The following SNX25 variants were observed in gnomAD, a reference collection of about 807,000 sequenced individuals.
The protein encoded by SNX25 is sorting nexin-25.
SNX25 carries 62 observed loss-of-function variants against 113.7 expected under a neutral mutation model. That is an observed-to-expected ratio of 0.55 (90% CI 0.44 to 0.67). The LOEUF is 0.67. Ranked by LOEUF, SNX25 falls within the 30% of genes least tolerant of loss-of-function variation. The pLI is 0.00. For synonymous variants in SNX25, 421 were observed against 436.2 expected (o/e 0.97, Z 0.43); for missense variants, 1,014 against 1,161.0 (o/e 0.87, Z 1.84).
intron 1 of SNX25, among the ~76,000 whole-genome samples, chr4:185,224,510 G>GATATATAAATATATATACAT (rs869125493): frequency 3.0e-4 from 34 of 112,150 alleles, no homozygotes; most frequent in South Asian, 2.1e-3. Flanking sequence ...TAAATATATA[G>GATATATAAATATATATACAT]ATATATAAAT....
chr4:185,222,465 C>CGCCCT lies in SNX25; in HGVS notation c.429+12210_429+12211insGCCCT, dbSNP rs1200138632. 1.7e-3 allele frequency among the ~76,000 whole-genome samples: 253 copies of CGCCCT among 150,512 alleles called. 3 individuals are homozygous for CGCCCT. Among genetic ancestry groups the CGCCCT allele is most frequent in the African/African-American group, 4.8e-3 (198 of 40,928 alleles). On this transcript the variant is annotated intron_variant, in intron 1 of 18. Coordinates refer to ENST00000652585, the MANE Select transcript of SNX25 (RefSeq NM_001378034.2). Reference sequence around the variant, plus strand: ...CCCCTCCCTCGCGGTAGGTATTCAGCACCCTATACCCCTCCCTCTCGGTAG... The same window carrying CGCCCT: ...CCCCTCCCTCGCGGTAGGTATTCAGCGCCCTACCCTATACCCCTCCCTCTCGGTAG...
Position 185,299,290 on chromosome 4 carries a change from C to T in SNX25, c.1162+11208C>T, listed in dbSNP as rs530020940. Among the ~76,000 whole-genome samples, 20 of 152,210 alleles carry T rather than the reference C, an allele frequency of 1.3e-4. 1 individual carries two copies. Among genetic ancestry groups the T allele is most frequent in the African/African-American group, 3.6e-4 (15 of 41,540 alleles). On this transcript the variant is annotated intron_variant, in intron 6 of 18. Coordinates refer to ENST00000652585, the MANE Select transcript of SNX25 (RefSeq NM_001378034.2). ...GGTAGGTCAGATGAGATCATGTGCT[C>T]GTGCTTGATATGCAGTGGAGAGATG...
At chr4:185,333,239 G>A (rs114052430) in intron 10 of SNX25, among the ~76,000 whole-genome samples, 2,054 of 152,328 alleles carry the variant, frequency 0.013, 22 homozygotes, top group Non-Finnish European at 0.021. Context: ...TCAAACCCAA[G>A]CTGTGGTGTG....
At chr4:185,271,870 G>A (rs1748980371) in intron 5 of SNX25, among the ~76,000 whole-genome samples, 1 of 152,252 alleles carries the variant, frequency 6.6e-6, no homozygotes, top group African/African-American at 2.4e-5. Flanking sequence ...TTCTGGAATA[G>A]TTTGGTTATT....
chr4:185,239,395 A>G (rs941497259), intron 1 of SNX25, among the ~76,000 whole-genome samples: 1 of 152,174 alleles, frequency 6.6e-6, no homozygotes, highest in Non-Finnish European at 1.5e-5. Flanking sequence ...AGGCAGGAGA[A>G]TGGCTTGAAC....
At chr4:185,255,365 C>G (rs766284617) in intron 2 of SNX25, among the ~76,000 whole-genome samples, 3 of 152,104 alleles carry the variant, frequency 2.0e-5, no homozygotes, top group Non-Finnish European at 4.4e-5. Flanking sequence ...AACTCCTGAC[C>G]TCAGGTGATC....
chr4:185,240,466 G>A (rs1346806436), intron 1 of SNX25, among the ~76,000 whole-genome samples: 2 of 150,656 alleles, frequency 1.3e-5, no homozygotes, highest in Non-Finnish European at 1.5e-5. Context: ...CCCAGTAGGG[G>A]CGGCCGGGCA....
intron 1 of SNX25, among the ~76,000 whole-genome samples, chr4:185,216,615 G>A (rs1331399750): frequency 6.7e-6 from 1 of 148,732 alleles, no homozygotes; most frequent in Non-Finnish European, 1.5e-5. Flanking sequence ...TGTTTCCTGG[G>A]TTCAAGCGAT....
chr4:185,236,889 T>C (rs558007548), intron 1 of SNX25, among the ~76,000 whole-genome samples: 1 of 152,334 alleles, frequency 6.6e-6, no homozygotes, highest in African/African-American at 2.4e-5. Context: ...ACATAGTAAG[T>C]GTTGGAATCA....
intron 12 of SNX25, among the ~76,000 whole-genome samples, chr4:185,345,238 C>G (rs761292887): frequency 6.6e-6 from 1 of 152,100 alleles, no homozygotes; most frequent in Non-Finnish European, 1.5e-5. Context: ...TGTGAGTTTT[C>G]CTGTTGTGAG....
chr4:185,324,982 A>G (rs2095146246), intron 9 of SNX25, among the ~76,000 whole-genome samples: 1 of 152,226 alleles, frequency 6.6e-6, no homozygotes, highest in Non-Finnish European at 1.5e-5. Context: ...TAGGCAGGGT[A>G]AGAACATTAG....
chr4:185,228,458 C>G (rs1332811150), intron 1 of SNX25, among the ~76,000 whole-genome samples: 3 of 152,152 alleles, frequency 2.0e-5, no homozygotes, highest in African/African-American at 7.2e-5. Context: ...TGGATAGTCT[C>G]AAATATTTTG....
chr4:185,370,805 G>C (rs2095412192), downstream of SNX25: 20 of 1,614,104 alleles, frequency 1.2e-5, no homozygotes, highest in Non-Finnish European at 1.7e-5. Flanking sequence ...CCTCATCATA[G>C]TCAGCGATCC....
chr4:185,297,356 T>A (rs969631571), intron 6 of SNX25, among the ~76,000 whole-genome samples: 6 of 152,220 alleles, frequency 3.9e-5, no homozygotes, highest in African/African-American at 1.4e-4. Context: ...CCTACTCTAA[T>A]CCTTTCCCTT....
chr4:185,284,220 A>G (rs1751036089), intron 5 of SNX25, among the ~76,000 whole-genome samples: 1 of 152,208 alleles, frequency 6.6e-6, no homozygotes, highest in Non-Finnish European at 1.5e-5. Flanking sequence ...TTCAGTCTAC[A>G]TTCTTAGGCT....
intron 2 of SNX25, among the ~76,000 whole-genome samples, chr4:185,257,749 A>C (rs1383998333): frequency 6.6e-6 from 1 of 152,020 alleles, no homozygotes; most frequent in Non-Finnish European, 1.5e-5. Flanking sequence ...TGGCTCTCAT[A>C]TTCAAATTAG....
Position 185,342,076 on chromosome 4 carries a change from G to A in SNX25, c.2147G>A (p.Arg716Lys), listed in dbSNP as rs1242718652. The change falls in exon 12 of 19, where the codon AGG becomes AAG. Residue 716 changes from arginine to lysine, a missense_variant. Coordinates refer to ENST00000652585, the MANE Select transcript of SNX25 (RefSeq NM_001378034.2). ...ACTAAGAACTGGACGGTCCCCAGAA[G>A]GCTCAGCGAGTTTCAGAATTTACAC... The part of the protein sequence containing the change: ...VETKNWTVPR[R>K]LSEFQNLHRK... The A allele has an allele frequency of 1.2e-6, 2 of 1,607,192 alleles. No individual in the cohort carries two copies. The highest frequency in any genetic ancestry group is 1.7e-5 in the Admixed American group (1 of 58,814).
chr4:185,336,808 T>A (rs1000696802), intron 10 of SNX25, among the ~76,000 whole-genome samples: 4 of 152,204 alleles, frequency 2.6e-5, no homozygotes, highest in African/African-American at 9.7e-5. Flanking sequence ...TTTTACCACA[T>A]CTACTCCTAC....
intron 4 of SNX25, among the ~76,000 whole-genome samples, chr4:185,265,450 T>C: frequency 6.6e-6 from 1 of 152,248 alleles, no homozygotes; most frequent in Admixed American, 6.5e-5. Flanking sequence ...AGTAAAAATA[T>C]GGTATAAAAG....
Sources: allele counts gnomAD v4.1 joint callset (sites outside exome capture counted in the v4.1 genomes callset), GRCh38; gene constraint gnomAD v4.1.1; transcripts MANE v1.5; gene names NCBI Gene and HGNC (gene_info 2026-07-23, HGNC 2026-07-21).